ENOX2: variants seen among roughly 807,000 people sequenced by gnomAD.
ENOX2 encodes APK1 antigen.
Under a neutral mutation model 45.0 loss-of-function variants are expected in ENOX2, and 36 were observed. The ratio of observed to expected loss-of-function variants is 0.80; its 90% confidence interval spans 0.61 to 1.06. The LOEUF (loss-of-function observed/expected upper bound fraction) is 1.06. Among genes scored for constraint, ENOX2 ranks in the 50% least tolerant of loss-of-function variants. The pLI is 0.00. For missense variants in ENOX2, 423 were observed against 462.5 expected, an observed-to-expected ratio of 0.91 and a Z score of 0.78; for synonymous variants, 174 against 152.3, an observed-to-expected ratio of 1.14 and a Z score of -1.05.
chrX:130,851,984 T>C (rs1261115526), intron 2 of ENOX2, among the ~76,000 whole-genome samples: 1 of 112,109 alleles, frequency 8.9e-6, no homozygotes, highest in East Asian at 2.8e-4. Context: ...GTCAAGACTT[T>C]TCCAATTTTC....
chrX:130,876,482 G>A (rs1469422941), intron 2 of ENOX2, among the ~76,000 whole-genome samples: 1 of 111,471 alleles, frequency 9.0e-6, no homozygotes, highest in African/African-American at 3.3e-5. Context: ...AAAGGCTAAG[G>A]AGATCTGGGT....
intron 2 of ENOX2, among the ~76,000 whole-genome samples, chrX:130,881,869 TTCGGAACAGC>T (rs974859469): frequency 8.9e-6 from 1 of 111,837 alleles, no homozygotes; most frequent in African/African-American, 3.2e-5. Context: ...AAACTCATGC[TTCGGAACAGC>T]TCGGAACCTT....
At chrX:130,761,686 C>G (rs2039494240) in intron 3 of ENOX2, among the ~76,000 whole-genome samples, 1 of 110,904 alleles carries the variant, frequency 9.0e-6, no homozygotes, top group Non-Finnish European at 1.9e-5. Flanking sequence ...ATGGTGAAAG[C>G]AGGTACAAGC....
intron 10 of ENOX2, chrX:130,645,716 C>G: frequency 1.4e-6 from 1 of 727,454 alleles, no homozygotes; most frequent in South Asian, 2.6e-5. Context: ...CCCACATCCA[C>G]GCTGGGATGG....
chrX:130,673,587 G>A (rs1459282944), intron 6 of ENOX2, among the ~76,000 whole-genome samples: 3 of 110,316 alleles, frequency 2.7e-5, no homozygotes, highest in Non-Finnish European at 3.8e-5. Context: ...GAATTTCAGA[G>A]CTTGAACACT....
intron 6 of ENOX2, among the ~76,000 whole-genome samples, chrX:130,673,533 T>C (rs1306783012): frequency 2.0e-5 from 2 of 99,284 alleles, no homozygotes; most frequent in African/African-American, 3.7e-5. Context: ...AGTTAGAAAA[T>C]ACAGTCGGAA....
chrX:130,656,267 C>T (rs915859007), intron 10 of ENOX2, among the ~76,000 whole-genome samples: 52 of 112,804 alleles, frequency 4.6e-4, no homozygotes, highest in African/African-American at 1.3e-3. Flanking sequence ...ACCTGTAACA[C>T]GGCCTCTGTC....
Position 130,742,021 on chromosome X carries a change from G to A in ENOX2, c.-38-38767C>T, listed in dbSNP as rs746045516. On this transcript the variant is annotated intron_variant, in intron 3 of 14. Transcript: ENST00000394363. Reference sequence around the variant, plus strand: ...TTTTGAAATAAATGAAGCCTGGGAAGCCACTCTCTATGGCCACATGTACCA... The same window carrying A: ...TTTTGAAATAAATGAAGCCTGGGAAACCACTCTCTATGGCCACATGTACCA... 5.9e-4 allele frequency among the ~76,000 whole-genome samples: 66 copies of A among 111,446 alleles called. 1 individual carries two copies. Among genetic ancestry groups the A allele is most frequent in the African/African-American group, 2.0e-3 (62 of 30,708 alleles).
chrX:130,686,762 C>T (rs1261230256), intron 5 of ENOX2, among the ~76,000 whole-genome samples: 1 of 112,175 alleles, frequency 8.9e-6, no homozygotes, highest in Admixed American at 9.4e-5. Flanking sequence ...AGTGTTTTCT[C>T]CACCCAAGTA....
At chrX:130,822,345 T>C (rs952006055) in intron 2 of ENOX2, among the ~76,000 whole-genome samples, 9 of 112,361 alleles carry the variant, frequency 8.0e-5, no homozygotes, top group African/African-American at 2.9e-4. Flanking sequence ...ATTTTGAATT[T>C]TGATATTTTC....
rs765588333 is a variant in ENOX2 at position 130,832,391 on chromosome X, G to A, written c.-182-48701C>T. ...AACTCTGGAAACAAATACACCTAAA[G>A]GCAGATACTAAATATAGATATTCCC... On this transcript the variant is annotated intron_variant, in intron 2 of 14. Transcript: ENST00000394363. Among the ~76,000 whole-genome samples the A allele has an allele frequency of 5.7e-5, 6 of 105,159 alleles. No individual in the cohort carries two copies. In the South Asian group the frequency reaches 2.6e-3, roughly 45 times the overall value. 91.3% of individuals were successfully genotyped at this position (105,159 alleles called of 115,157 possible). A position where few individuals can be genotyped will look rare whatever the true frequency, so the allele number is the denominator to read the frequency against.
chrX:130,722,069 T>TG (rs770047212), intron 3 of ENOX2, among the ~76,000 whole-genome samples: 32 of 111,721 alleles, frequency 2.9e-4, no homozygotes, highest in Admixed American at 1.2e-3. Flanking sequence ...TTGTAGAACT[T>TG]GAACTGATAA....
chrX:130,894,875 G>A (rs1180753823), intron 2 of ENOX2, among the ~76,000 whole-genome samples: 3 of 111,725 alleles, frequency 2.7e-5, no homozygotes, highest in Non-Finnish European at 5.6e-5. Flanking sequence ...ATGTGTTGAT[G>A]GTCCCTCTGC....
intron 3 of ENOX2, among the ~76,000 whole-genome samples, chrX:130,764,350 T>C (rs1030635307): frequency 2.7e-5 from 3 of 111,343 alleles, no homozygotes; most frequent in African/African-American, 9.8e-5. Context: ...TTTCTTCATA[T>C]GATTTCATCT....
At chrX:130,814,924 G>C (rs1206139754) in intron 2 of ENOX2, among the ~76,000 whole-genome samples, 2 of 111,788 alleles carry the variant, frequency 1.8e-5, no homozygotes, top group Non-Finnish European at 3.8e-5. Context: ...GTAGGCTTCA[G>C]AAGGTGGGTA....
chrX:130,640,693 G>A (rs1002156178), intron 10 of ENOX2, among the ~76,000 whole-genome samples: 10 of 111,711 alleles, frequency 9.0e-5, no homozygotes, highest in Admixed American at 5.7e-4. Context: ...ATAAGTGGGA[G>A]CTGAATGATG....
intron 2 of ENOX2, among the ~76,000 whole-genome samples, chrX:130,850,030 T>C (rs1202738459): frequency 2.7e-5 from 3 of 111,815 alleles, no homozygotes; most frequent in Admixed American, 1.9e-4. Context: ...GGCTAAATCA[T>C]CTTTAACAAT....
At chrX:130,899,507 G>A (rs919940631) in intron 2 of ENOX2, among the ~76,000 whole-genome samples, 1 of 111,972 alleles carries the variant, frequency 8.9e-6, no homozygotes, top group South Asian at 3.8e-4. Flanking sequence ...AGGCTAGGAC[G>A]GAGGTAACTA....
At chrX:130,637,985 G>A (rs765086737) in intron 10 of ENOX2, among the ~76,000 whole-genome samples, 6 of 111,487 alleles carry the variant, frequency 5.4e-5, no homozygotes, top group African/African-American at 1.6e-4. Flanking sequence ...ATGGGGGCCC[G>A]GAAAAAGAAA....
Sources: gnomAD v4.1 joint callset for allele counts (sites outside exome capture counted in the v4.1 genomes callset) on GRCh38, gnomAD v4.1.1 for gene constraint, MANE v1.5 for transcripts, NCBI Gene and HGNC (gene_info 2026-07-23, HGNC 2026-07-21) for gene names.